The following PIP variants were observed in gnomAD, a reference collection of about 807,000 sequenced individuals.
PIP encodes prolactin induced protein, also known as prolactin-inducible protein.
A neutral mutation model predicts 12.8 loss-of-function variants in PIP; 9 were observed. That is an observed-to-expected ratio of 0.70 (90% confidence interval 0.42 to 1.23). The LOEUF is 1.23. PIP is among the 50% of genes most tolerant of loss of function. PIP has a pLI of 0.00. For missense variants in PIP, 172 were observed against 179.5 expected (o/e 0.96, Z 0.24); for synonymous variants, 60 against 66.1 (o/e 0.91, Z 0.45).
chr7:143,134,286 C>T (rs1444986359), intron 1 of PIP, among the ~76,000 whole-genome samples: 1 of 137,908 alleles, frequency 7.3e-6, no homozygotes, highest in Non-Finnish European at 1.5e-5. Flanking sequence ...GTTGGTTCCA[C>T]AGTTTTATAA....
chr7:143,139,001 C>G, intron 2 of PIP, 74 bp from the exon 3 acceptor site: 2 of 810,546 alleles, frequency 2.5e-6, no homozygotes, highest in Non-Finnish European at 4.4e-6. Flanking sequence ...CGGCTTTTCC[C>G]TCTCCTATTT....
At chr7:143,139,454 G>A (rs944855003) in intron 3 of PIP, 64 bp from the exon 4 acceptor site, 1 of 1,586,782 alleles carries the variant, frequency 6.3e-7, no homozygotes, top group Admixed American at 1.7e-5. Flanking sequence ...TGCCTGATAT[G>A]AGTAGAAAAG....
chr7:143,132,324 G>C (rs1046313871), intron 1 of PIP, 113 bp downstream of exon 1: 1 of 1,245,668 alleles, frequency 8.0e-7, no homozygotes, highest in Non-Finnish European at 1.1e-6. Flanking sequence ...CAGAACTCTA[G>C]TCCCAGGAGC....
At chr7:143,135,617 GC>G (rs1450454229) in intron 2 of PIP, among the ~76,000 whole-genome samples, 1 of 152,036 alleles carries the variant, frequency 6.6e-6, no homozygotes, top group African/African-American at 2.4e-5. Flanking sequence ...AAGGTCCTGA[GC>G]ATGTTTAGTT....
At chr7:143,134,484 T>C (rs1292324303) in intron 1 of PIP, among the ~76,000 whole-genome samples, 5 of 151,718 alleles carry the variant, frequency 3.3e-5, no homozygotes, top group Admixed American at 1.3e-4. Flanking sequence ...GTCAGCAGTA[T>C]AGAAGTGTCC....
chr7:143,139,200 A>C lies in PIP; in HGVS notation c.316+11A>C, dbSNP rs1799341544. On this transcript the variant is annotated intron_variant, in intron 3 of 3. Coordinates refer to ENST00000291009, the MANE Select transcript of PIP (RefSeq NM_002652.3). Reference sequence around the variant, plus strand: ...ACTTTTACACCAACAGTAAGTACAGAAGTTGTCCAAGGAGGGAACTACCCA... The same window carrying C: ...ACTTTTACACCAACAGTAAGTACAGCAGTTGTCCAAGGAGGGAACTACCCA... 6.9e-7 allele frequency: 1 copy of C among 1,438,850 alleles called. No homozygotes were observed. Among genetic ancestry groups the C allele is most frequent in the South Asian group, 1.1e-5 (1 of 87,790 alleles). 89.1% of individuals were successfully genotyped at this position (1,438,850 alleles called of 1,614,324 possible).
At chr7:143,137,294 A>T (rs1219293660) in intron 2 of PIP, among the ~76,000 whole-genome samples, 1 of 152,162 alleles carries the variant, frequency 6.6e-6, no homozygotes, top group Non-Finnish European at 1.5e-5. Context: ...TACAGAGAGA[A>T]ACTACCACAT....
intron 3 of PIP, 40 bp from the exon 4 acceptor site, chr7:143,139,478 G>T: frequency 6.2e-7 from 1 of 1,607,666 alleles, no homozygotes; most frequent in Middle Eastern, 1.7e-4. Flanking sequence ...GGACATGGCC[G>T]GGGTGTCTGA....
chr7:143,137,134 T>C (rs1799317661), intron 2 of PIP, among the ~76,000 whole-genome samples: 1 of 152,066 alleles, frequency 6.6e-6, no homozygotes. Context: ...TATTTGAATA[T>C]AAAGATTGCA....
At chr7:143,138,300 G>A (rs745888194) in intron 2 of PIP, among the ~76,000 whole-genome samples, 9 of 152,052 alleles carry the variant, frequency 5.9e-5, no homozygotes, top group Non-Finnish European at 1.2e-4. Flanking sequence ...TTAGAGGTTA[G>A]TAATAAAGAT....
At position 143,132,237 on chromosome 7, in the gene PIP, C is replaced by T. The variant is rs768724263; in HGVS notation, c.95+26C>T. On this transcript the variant is annotated intron_variant, in intron 1 of 3. Transcript: ENST00000291009. ...GTGAGCCATGCCCTTCTCCTCCCCA[C>T]AAAAAAAATTGCAGGGAGGGCTCCT... is the stretch of plus-strand genomic sequence containing the variant. The T allele has an allele frequency of 6.2e-6, 10 of 1,601,142 alleles. No homozygotes were observed. The African/African-American group carries it at 1.1e-4, about 17-fold the overall frequency.
Position 143,135,404 on chromosome 7 carries a change from C to T in PIP, c.201+105C>T, listed in dbSNP as rs1020259399. 1.1e-5 allele frequency: 6 copies of T among 550,716 alleles called. No individual in the cohort carries two copies. In the African/African-American group the frequency reaches 1.1e-4, roughly 10 times the overall value. The allele number at this position is 550,716 out of a possible 1,614,324, so 34.1% of individuals were successfully genotyped here. ...ATAATGTACAGTGTACTTAATGAAA[C>T]ATTCTCACTTATGTTATGCTACTTG... On this transcript the variant is annotated intron_variant, in intron 2 of 3. Coordinates refer to ENST00000291009, the MANE Select transcript of PIP (RefSeq NM_002652.3).
Position 143,132,086 on chromosome 7 carries a change from C to T in PIP, c.-31C>T. On this transcript the variant is annotated 5_prime_UTR_variant, in exon 1 of 4. Transcript: ENST00000291009. ...GCTGGGCACCTGGGACACCACTTCT[C>T]TGGGACACATTGCCTTCTGTTTTCT... The T allele has an allele frequency of 1.2e-6, 2 of 1,612,520 alleles. No individual in the cohort carries two copies. The highest frequency in any genetic ancestry group is 1.7e-4 in the Middle Eastern group (1 of 6,060).
rs545314968 is a variant in PIP at position 143,138,285 on chromosome 7, T to G, written c.202-790T>G. 7.9e-5 allele frequency among the ~76,000 whole-genome samples: 12 copies of G among 152,182 alleles called. 1 individual carries two copies. Among genetic ancestry groups the G allele is most frequent in the African/African-American group, 2.9e-4 (12 of 41,558 alleles). On this transcript the variant is annotated intron_variant, in intron 2 of 3. Coordinates refer to ENST00000291009, the MANE Select transcript of PIP (RefSeq NM_002652.3). ...ATTCATAACAGAAGGAATGCTGAAT[T>G]TCAATTAGAGGTTAGTAATAAAGAT...
At chr7:143,132,305 T>A (rs1799250602) in intron 1 of PIP, 94 bp downstream of exon 1, 1 of 1,438,728 alleles carries the variant, frequency 7.0e-7, no homozygotes, top group Non-Finnish European at 9.6e-7. Flanking sequence ...AGAATTTCTT[T>A]CAACTTCCCA....
chr7:143,133,014 CA>C (rs1438733254), intron 1 of PIP, among the ~76,000 whole-genome samples: 1 of 151,936 alleles, frequency 6.6e-6, no homozygotes, highest in African/African-American at 2.4e-5. Context: ...AGGGTTTTGA[CA>C]AGCTAATGTA....
intron 1 of PIP, among the ~76,000 whole-genome samples, chr7:143,132,847 T>C (rs1373630319): frequency 2.0e-5 from 3 of 151,956 alleles, no homozygotes; most frequent in Non-Finnish European, 4.4e-5. Context: ...TAAAATAAAG[T>C]AGAAAATGGA....
At chr7:143,134,172 T>C (rs1799274036) in intron 1 of PIP, among the ~76,000 whole-genome samples, 4 of 120,028 alleles carry the variant, frequency 3.3e-5, no homozygotes, top group Admixed American at 2.9e-4. Flanking sequence ...GGCTGAGTAG[T>C]AGTATTCCAT....
Position 143,134,218 on chromosome 7 carries a change from ATATATATATATATAT to A in PIP, c.96-975_96-961del, listed in dbSNP as rs1563015830. Among the ~76,000 whole-genome samples the A allele has an allele frequency of 1.9e-4, 22 of 114,316 alleles. 1 individual carries two copies. The highest frequency in any genetic ancestry group is 6.0e-4 in the African/African-American group (18 of 29,834). The allele number at this position is 114,316 out of a possible 152,430, so 75.0% of individuals were successfully genotyped here. A position where few individuals can be genotyped will look rare whatever the true frequency, so the allele number is the denominator to read the frequency against. ...TATATATATATATATATATATATAT[ATATATATATATATAT>A]ACCACAGTTTCTTTATCCACTCGTT... On this transcript the variant is annotated intron_variant, in intron 1 of 3. Transcript: ENST00000291009.
Sources: gnomAD v4.1 joint callset for allele counts (sites outside exome capture counted in the v4.1 genomes callset) on GRCh38, gnomAD v4.1.1 for gene constraint, MANE v1.5 for transcripts, NCBI Gene and HGNC (gene_info 2026-07-23, HGNC 2026-07-21) for gene names.